Variants in RHCE observed in about 807,000 individuals in gnomAD.
The protein encoded by RHCE is blood group Rh(CE) polypeptide.
Under a neutral mutation model 43.8 loss-of-function variants are expected in RHCE, and 22 were observed. That is an observed-to-expected ratio of 0.50 (90% CI 0.36 to 0.72). RHCE has a LOEUF of 0.72. RHCE is among the 30% of genes least tolerant of loss of function. The probability of loss-of-function intolerance (pLI) is 0.00; values close to 1 mark genes in which losing one functional copy is unlikely to be tolerated. For missense variants in RHCE, 385 were observed against 525.4 expected, an observed-to-expected ratio of 0.73 and a Z score of 2.61; for synonymous variants, 156 against 210.7, an observed-to-expected ratio of 0.74 and a Z score of 2.25.
rs554117357 is a variant in RHCE, at chr1:25,382,451, G to T, written c.1073+3260C>A. Among the ~76,000 whole-genome samples, 7 of 139,896 alleles carry T rather than the reference G, an allele frequency of 5.0e-5. No homozygotes were observed. In the East Asian group the frequency reaches 5.9e-4, roughly 12 times the overall value. The allele number at this position is 139,896 out of a possible 152,430, so 91.8% of individuals were successfully genotyped here. A position where few individuals can be genotyped will look rare whatever the true frequency, so the allele number is the denominator to read the frequency against. On this transcript the variant is annotated intron_variant, in intron 7 of 9. Coordinates refer to ENST00000294413, the MANE Select transcript of RHCE (RefSeq NM_020485.8). ...ATATAGCTTATACTATATAAGTTGG[G>T]TTTTTTTTTTTAAGTAATAAGTGGC...
intron 3 of RHCE, 37 bp from the exon 4 acceptor site, chr1:25,392,178 A>C: frequency 6.2e-7 from 1 of 1,613,962 alleles, no homozygotes; most frequent in Non-Finnish European, 8.5e-7. Context: ...GAGTGTCGGC[A>C]TCCTCTGCCC....
At chr1:25,393,686 T>G (rs1646451008) in intron 3 of RHCE, among the ~76,000 whole-genome samples, 1 of 151,814 alleles carries the variant, frequency 6.6e-6, no homozygotes, top group African/African-American at 2.4e-5. Context: ...CTCCAGCGGC[T>G]CCCATGTCAC....
chr1:25,388,534 G>C (rs1439169913), intron 6 of RHCE, among the ~76,000 whole-genome samples: 2 of 150,904 alleles, frequency 1.3e-5, no homozygotes, highest in Non-Finnish European at 2.9e-5. Flanking sequence ...TGGGATTGGG[G>C]CCAAGAGATT....
At chr1:25,370,991 G>A (rs1209875620) in intron 8 of RHCE, among the ~76,000 whole-genome samples, 2 of 148,880 alleles carry the variant, frequency 1.3e-5, no homozygotes, top group Non-Finnish European at 3.0e-5. Flanking sequence ...CCTGACCTCA[G>A]GTGATCCACC....
intron 3 of RHCE, among the ~76,000 whole-genome samples, chr1:25,393,851 C>A (rs1479138491): frequency 9.9e-5 from 15 of 151,942 alleles, no homozygotes; most frequent in Non-Finnish European, 1.9e-4. Flanking sequence ...GAAATGCTGA[C>A]CCCCAGCCAG....
upstream of RHCE, among the ~76,000 whole-genome samples, chr1:25,422,318 T>G (rs1305734581): frequency 2.0e-5 from 3 of 152,128 alleles, no homozygotes; most frequent in African/African-American, 7.2e-5. Flanking sequence ...TTATCAAAAC[T>G]GACACAGAGG....
At chr1:25,416,777 G>A (rs1347141372) in intron 1 of RHCE, among the ~76,000 whole-genome samples, 1 of 148,374 alleles carries the variant, frequency 6.7e-6, no homozygotes, top group Non-Finnish European at 1.5e-5. Context: ...CCACCACACT[G>A]GGTTAAATTT....
intron 2 of RHCE, among the ~76,000 whole-genome samples, chr1:25,405,097 G>A (rs1278072204): frequency 1.3e-5 from 2 of 151,594 alleles, no homozygotes; most frequent in East Asian, 1.9e-4. Flanking sequence ...TACTCAGGAG[G>A]CTGTAATTCC....
chr1:25,362,310 C>T lies in RHCE; in HGVS notation c.*217G>A. 9.5e-7 allele frequency: 1 copy of T among 1,051,498 alleles called. No homozygotes were observed. The highest frequency in any genetic ancestry group is 1.4e-6 in the Non-Finnish European group (1 of 726,506). The allele number at this position is 1,051,498 out of a possible 1,614,324, so 65.1% of individuals were successfully genotyped here. ...CCAAGAAAATATTGATAGCATCATC[C>T]TAATGAAACTAAACATTTATTTTAA... On this transcript the variant is annotated 3_prime_UTR_variant, in exon 10 of 10. Coordinates refer to ENST00000294413, the MANE Select transcript of RHCE (RefSeq NM_020485.8).
At chr1:25,385,536 C>T in intron 7 of RHCE, 175 bp downstream of exon 7, 1 of 984,826 alleles carries the variant, frequency 1.0e-6, no homozygotes, top group South Asian at 1.3e-5. Context: ...GGTGATAAAT[C>T]CATCCAAGGT....
intron 7 of RHCE, among the ~76,000 whole-genome samples, chr1:25,376,106 G>A (rs191808582): frequency 7.9e-5 from 12 of 152,002 alleles, no homozygotes; most frequent in Non-Finnish European, 1.2e-4. Context: ...CAGTTTTCTC[G>A]TTAGGCAATT....
intron 1 of RHCE, among the ~76,000 whole-genome samples, chr1:25,418,802 T>A (rs2042678905): frequency 7.2e-5 from 11 of 152,166 alleles, no homozygotes. Flanking sequence ...CACCATCGTC[T>A]CCCCTGCCTG....
chr1:25,370,995 A>T (rs1168300208), intron 8 of RHCE, among the ~76,000 whole-genome samples: 2 of 146,578 alleles, frequency 1.4e-5, no homozygotes, highest in Non-Finnish European at 3.0e-5. Context: ...ACCTCAGGTG[A>T]TCCACCCACC....
chr1:25,403,508 A>G (rs1319501273), intron 2 of RHCE, among the ~76,000 whole-genome samples: 1 of 151,872 alleles, frequency 6.6e-6, no homozygotes, highest in Non-Finnish European at 1.5e-5. Context: ...GGAGGAGAAA[A>G]TTATTTTGGT....
At chr1:25,419,467 C>T (rs2042704912) in intron 1 of RHCE, among the ~76,000 whole-genome samples, 1 of 152,090 alleles carries the variant, frequency 6.6e-6, no homozygotes, top group African/African-American at 2.4e-5. Context: ...AGGATGACTT[C>T]TCTTTGCTTC....
upstream of RHCE, among the ~76,000 whole-genome samples, chr1:25,421,264 T>A (rs2042756392): frequency 6.6e-6 from 1 of 151,928 alleles, no homozygotes; most frequent in Non-Finnish European, 1.5e-5. Context: ...TTAACAACAA[T>A]GTATTGAATG....
At chr1:25,413,432 C>T (rs978287155) in intron 1 of RHCE, among the ~76,000 whole-genome samples, 2 of 152,180 alleles carry the variant, frequency 1.3e-5, no homozygotes, top group African/African-American at 4.8e-5. Context: ...TCTGCACTCA[C>T]ATCAGCTGCT....
intron 6 of RHCE, among the ~76,000 whole-genome samples, chr1:25,386,270 C>T (rs1409199920): frequency 2.6e-5 from 4 of 152,208 alleles, no homozygotes; most frequent in Non-Finnish European, 2.9e-5. Context: ...CTGTGTCAAC[C>T]AAGAACGCCT....
At chr1:25,402,358 C>T (rs1646780669) in intron 3 of RHCE, among the ~76,000 whole-genome samples, 1 of 152,192 alleles carries the variant, frequency 6.6e-6, no homozygotes, top group South Asian at 2.1e-4. Context: ...GTAACTGACA[C>T]TACAGGTGCA....
Sources: gnomAD v4.1 joint callset for allele counts (sites outside exome capture counted in the v4.1 genomes callset) on GRCh38, gnomAD v4.1.1 for gene constraint, MANE v1.5 for transcripts, NCBI Gene and HGNC (gene_info 2026-07-23, HGNC 2026-07-21) for gene names.